The following ZNF83 variants were observed in gnomAD, a reference collection of about 807,000 sequenced individuals.
ZNF83 encodes the protein zinc finger protein 83, also known as zinc finger protein 816B.
For synonymous variants in ZNF83, 209 were observed against 213.0 expected, an observed-to-expected ratio of 0.98 and a Z score of 0.17; for missense variants, 552 against 629.9, an observed-to-expected ratio of 0.88 and a Z score of 1.32.
At chr19:52,682,971 A>G (rs1006331441) in intron 1 of ZNF83, among the ~76,000 whole-genome samples, 6 of 152,076 alleles carry the variant, frequency 3.9e-5, no homozygotes, top group African/African-American at 1.4e-4. Flanking sequence ...TCCGGGTTCA[A>G]GTGATTCTCC....
At chr19:52,663,193 C>G (rs1371495748) in intron 1 of ZNF83, among the ~76,000 whole-genome samples, 4 of 152,022 alleles carry the variant, frequency 2.6e-5, no homozygotes, top group African/African-American at 9.7e-5. Context: ...CCAGGACCAT[C>G]TGTTATATAC....
At chr19:52,619,436 G>A (rs2060451220) in intron 2 of ZNF83, among the ~76,000 whole-genome samples, 1 of 152,096 alleles carries the variant, frequency 6.6e-6, no homozygotes, top group Non-Finnish European at 1.5e-5. Flanking sequence ...GACTAGCCTG[G>A]ACAATATGGT....
At chr19:52,614,878 C>A in intron 2 of ZNF83, 81 bp from the exon 3 acceptor site, 1 of 1,146,332 alleles carries the variant, frequency 8.7e-7, no homozygotes, top group Non-Finnish European at 1.1e-6. Context: ...TGTAATAGTA[C>A]ACTAAGAGTA....
At position 52,687,840 on chromosome 19, in the gene ZNF83, T is replaced by A. The variant is rs191878273; in HGVS notation, c.-283+2603A>T. On this transcript the variant is annotated intron_variant, in intron 1 of 5. Coordinates refer to the ZNF83 transcript ENST00000594682. Reference sequence around the variant, plus strand: ...ACCCTGTCTCAAAATATTAATTAATTAAATTAAAAGTATTGTGTAATAACA... The same window carrying A: ...ACCCTGTCTCAAAATATTAATTAATAAAATTAAAAGTATTGTGTAATAACA... Among the ~76,000 whole-genome samples the A allele has an allele frequency of 5.9e-3, 879 of 149,634 alleles. 6 individuals carry two copies. The highest frequency in any genetic ancestry group is 0.02 in the African/African-American group (826 of 40,644).
intron 1 of ZNF83, among the ~76,000 whole-genome samples, chr19:52,670,286 C>G (rs541832897): frequency 6.6e-6 from 1 of 152,280 alleles, no homozygotes; most frequent in East Asian, 1.9e-4. Flanking sequence ...TGCCAAACCA[C>G]TCACCTTGTC....
chr19:52,670,973 A>T (rs964251108), intron 1 of ZNF83, among the ~76,000 whole-genome samples: 2 of 152,128 alleles, frequency 1.3e-5, no homozygotes, highest in African/African-American at 4.8e-5. Flanking sequence ...ATAGATGATG[A>T]ATGTTTTTTA....
intron 1 of ZNF83, chr19:52,674,316 C>G (rs946142451): frequency 2.0e-5 from 3 of 152,214 alleles, no homozygotes; most frequent in Non-Finnish European, 2.9e-5. Flanking sequence ...GAAATGACCA[C>G]AGCTGAAATA....
At chr19:52,689,981 G>C (rs959465618) in intron 1 of ZNF83, among the ~76,000 whole-genome samples, 1 of 152,322 alleles carries the variant, frequency 6.6e-6, no homozygotes, top group South Asian at 2.1e-4. Context: ...GAGGTGGGGG[G>C]CGACGGCGCC....
intron 1 of ZNF83, among the ~76,000 whole-genome samples, chr19:52,677,492 A>T (rs910361683): frequency 6.6e-5 from 10 of 151,614 alleles, no homozygotes; most frequent in Non-Finnish European, 1.5e-4. Flanking sequence ...TCTCAAAAAG[A>T]AAAAAAGAAA....
chr19:52,687,553 TGTA>T (rs1435197691), intron 1 of ZNF83, among the ~76,000 whole-genome samples: 49 of 67,494 alleles, frequency 7.3e-4, no homozygotes, highest in African/African-American at 2.6e-3. Flanking sequence ...AAATTATATG[TGTA>T]AATTTTATAT....
chr19:52,641,727 G>A (rs2147224699), upstream of ZNF83, among the ~76,000 whole-genome samples: 1 of 152,188 alleles, frequency 6.6e-6, no homozygotes, highest in African/African-American at 2.4e-5. Flanking sequence ...TGAACCAAAA[G>A]TATCTAACAG....
intron 3 of ZNF83, chr19:52,651,708 GAAAGA>G: frequency 6.6e-6 from 1 of 151,096 alleles, no homozygotes; most frequent in East Asian, 1.9e-4. Flanking sequence ...AAAAAAGAAA[GAAAGA>G]AAAGAAAAGA....
intron 3 of ZNF83, among the ~76,000 whole-genome samples, chr19:52,644,086 C>T (rs1306831540): frequency 1.3e-5 from 2 of 152,022 alleles, no homozygotes; most frequent in Non-Finnish European, 2.9e-5. Context: ...CTGACATGAC[C>T]TGCTTTAGAT....
intron 2 of ZNF83, among the ~76,000 whole-genome samples, 198 bp downstream of exon 2, chr19:52,634,868 C>G (rs2061093572): frequency 6.6e-6 from 1 of 152,172 alleles, no homozygotes; most frequent in Non-Finnish European, 1.5e-5. Flanking sequence ...CCAGTGCAGC[C>G]TCTTCCCAAG....
chr19:52,673,393 T>C (rs1398137694), intron 1 of ZNF83, among the ~76,000 whole-genome samples: 1 of 151,694 alleles, frequency 6.6e-6, no homozygotes, highest in Non-Finnish European at 1.5e-5. Context: ...ATCTCAGATA[T>C]TCAGGAGGCT....
At chr19:52,686,601 A>C (rs2062021256) in intron 1 of ZNF83, among the ~76,000 whole-genome samples, 1 of 151,518 alleles carries the variant, frequency 6.6e-6, no homozygotes, top group South Asian at 2.1e-4. Flanking sequence ...TGAGATGGAG[A>C]CTCGCTATGC....
intron 2 of ZNF83, among the ~76,000 whole-genome samples, chr19:52,620,595 G>C (rs923292406): frequency 3.9e-5 from 6 of 152,136 alleles, no homozygotes; most frequent in African/African-American, 1.4e-4. Flanking sequence ...TTACTAATAT[G>C]AGAACATGTT....
At position 52,664,794 on chromosome 19, in the gene ZNF83, C is replaced by T. The variant is rs567217952; in HGVS notation, c.-282-3951G>A. 2.4e-4 allele frequency among the ~76,000 whole-genome samples: 36 copies of T among 151,382 alleles called. No individual in the cohort carries two copies. In the East Asian group the frequency reaches 6.3e-3, roughly 27 times the overall value. On this transcript the variant is annotated intron_variant, in intron 1 of 5. Transcript: ENST00000594682. Reference sequence around the variant, plus strand: ...GAAGAGGCCTGGGCTGTGAGGGGTTCGCAGGGGAATGAAGGGGTCAGGGCC... The same window carrying T: ...GAAGAGGCCTGGGCTGTGAGGGGTTTGCAGGGGAATGAAGGGGTCAGGGCC...
chr19:52,678,477 A>G (rs1426213478), intron 1 of ZNF83, among the ~76,000 whole-genome samples: 1 of 151,668 alleles, frequency 6.6e-6, no homozygotes, highest in Non-Finnish European at 1.5e-5. Context: ...AAAAAGAAAA[A>G]AAAACTGGAG....
Sources: gnomAD v4.1 joint callset for allele counts (sites outside exome capture counted in the v4.1 genomes callset) on GRCh38, gnomAD v4.1.1 for gene constraint, MANE v1.5 for transcripts, NCBI Gene and HGNC (gene_info 2026-07-23, HGNC 2026-07-21) for gene names.